The following LINGO2 variants were observed in gnomAD, a reference collection of about 807,000 sequenced individuals.
LINGO2 encodes leucine-rich repeat and immunoglobulin-like domain-containing nogo receptor-interacting protein 2.
A neutral mutation model predicts 30.6 loss-of-function variants in LINGO2; 14 were observed. The observed-to-expected ratio is 0.46, with a 90% CI of 0.30 to 0.72. The LOEUF (loss-of-function observed/expected upper bound fraction) is 0.72, where lower values mean the gene tolerates loss of function less well. Ranked by LOEUF, LINGO2 falls within the 30% of genes least tolerant of loss-of-function variation. LINGO2 has a pLI of 0.07. For missense variants in LINGO2, 729 were observed against 751.7 expected (o/e 0.97, Z 0.35); for synonymous variants, 317 against 288.5 (o/e 1.10, Z -1.00).
At chr9:28,060,377 A>G (rs1825105909) in intron 4 of LINGO2, among the ~76,000 whole-genome samples, 1 of 152,200 alleles carries the variant, frequency 6.6e-6, no homozygotes, top group Non-Finnish European at 1.5e-5. Flanking sequence ...TATAATGCTA[A>G]TAGCTAACAC....
chr9:28,064,766 G>A (rs966909184), intron 4 of LINGO2, among the ~76,000 whole-genome samples: 4 of 152,072 alleles, frequency 2.6e-5, no homozygotes, highest in Non-Finnish European at 5.9e-5. Context: ...AACCCTTAGA[G>A]GGCTAATCTG....
chr9:28,517,728 A>ATATT (rs1820675636), intron 1 of LINGO2, among the ~76,000 whole-genome samples: 3 of 152,206 alleles, frequency 2.0e-5, no homozygotes, highest in Admixed American at 2.0e-4. Context: ...TTTTCAAGCA[A>ATATT]CATTAGTACT....
chr9:28,868,125 A>T, the LINGO2 span, among the ~76,000 whole-genome samples: 1 of 152,060 alleles, frequency 6.6e-6, no homozygotes, highest in African/African-American at 2.4e-5. Context: ...GAATGTTGTT[A>T]ACCTAGTGTG....
At chr9:28,105,092 T>C (rs561788231) in intron 4 of LINGO2, among the ~76,000 whole-genome samples, 22 of 152,278 alleles carry the variant, frequency 1.4e-4, no homozygotes, top group Admixed American at 3.9e-4. Context: ...TGGCACACTT[T>C]ATTCTCTGTG....
At chr9:28,825,877 A>C in the LINGO2 span, among the ~76,000 whole-genome samples, 1 of 152,312 alleles carries the variant, frequency 6.6e-6, no homozygotes, top group African/African-American at 2.4e-5. Context: ...AAGTTACCAT[A>C]AATGACTATT....
chr9:28,605,998 A>G (rs967236978), intron 1 of LINGO2, among the ~76,000 whole-genome samples: 4 of 152,036 alleles, frequency 2.6e-5, no homozygotes, highest in African/African-American at 9.7e-5. Flanking sequence ...TCAAGTATCA[A>G]TTACACTATA....
At chr9:28,595,062 G>T (rs767378889) in intron 1 of LINGO2, among the ~76,000 whole-genome samples, 3 of 152,006 alleles carry the variant, frequency 2.0e-5, no homozygotes, top group Non-Finnish European at 4.4e-5. Context: ...GGATATTCAT[G>T]AGCATAAATA....
chr9:28,671,862 A>C (rs1829033237), upstream of LINGO2, among the ~76,000 whole-genome samples: 1 of 152,154 alleles, frequency 6.6e-6, no homozygotes, highest in Admixed American at 6.6e-5. Flanking sequence ...ACATAAAGAC[A>C]TGAGCATTTC....
At chr9:28,770,482 T>G in the LINGO2 span, among the ~76,000 whole-genome samples, 1 of 152,198 alleles carries the variant, frequency 6.6e-6, no homozygotes, top group African/African-American at 2.4e-5. Context: ...ATTTCTGTTT[T>G]CACTGTCTGG....
chr9:28,607,717 T>C (rs1825750177), intron 1 of LINGO2, among the ~76,000 whole-genome samples: 1 of 152,056 alleles, frequency 6.6e-6, no homozygotes, highest in Non-Finnish European at 1.5e-5. Context: ...CCATCTTTCA[T>C]GTGTCAAATC....
chr9:28,582,492 C>T (rs953404066), intron 1 of LINGO2, among the ~76,000 whole-genome samples: 2 of 152,036 alleles, frequency 1.3e-5, no homozygotes, highest in East Asian at 3.9e-4. Context: ...TTCTGAAACT[C>T]AACCTACCAG....
At chr9:27,968,490 C>A (rs988951545) in intron 5 of LINGO2, among the ~76,000 whole-genome samples, 14 of 151,650 alleles carry the variant, frequency 9.2e-5, no homozygotes, top group African/African-American at 3.4e-4. Context: ...AGGAAAAATA[C>A]CTTCATGCAT....
chr9:28,427,271 A>G (rs554814345), intron 2 of LINGO2, among the ~76,000 whole-genome samples: 1 of 152,096 alleles, frequency 6.6e-6, no homozygotes, highest in East Asian at 1.9e-4. Context: ...ACTGCTATAG[A>G]TGGATAATGG....
At chr9:28,381,418 A>G (rs1434144742) in intron 2 of LINGO2, among the ~76,000 whole-genome samples, 1 of 152,054 alleles carries the variant, frequency 6.6e-6, no homozygotes. Flanking sequence ...ATGGCTACAC[A>G]TGCAGGTAAA....
rs1587703923 is a variant in LINGO2 at position 28,020,154 on chromosome 9, C to T, written c.-86-7749G>A. On this transcript the variant is annotated intron_variant, in intron 4 of 5. Transcript: ENST00000379992. ...GCGTTAACATTTAGCACACAGCATGCAATCCCTCTCTAAGTGGGAAAATGA... is the reference window on the plus strand; with the variant it reads ...GCGTTAACATTTAGCACACAGCATGTAATCCCTCTCTAAGTGGGAAAATGA... 2.6e-5 allele frequency among the ~76,000 whole-genome samples: 4 copies of T among 152,168 alleles called. No homozygotes were observed. The South Asian group carries it at 8.3e-4, about 31-fold the overall frequency.
the LINGO2 span, among the ~76,000 whole-genome samples, chr9:29,074,028 T>C: frequency 4.3e-4 from 55 of 127,056 alleles, no homozygotes; most frequent in Admixed American, 4.3e-3. Flanking sequence ...TCTTTAAAAA[T>C]CAAACTTTGA....
At chr9:28,724,379 T>A in the LINGO2 span, among the ~76,000 whole-genome samples, 2 of 152,136 alleles carry the variant, frequency 1.3e-5, no homozygotes, top group Admixed American at 6.5e-5. Context: ...TAGATTTAGT[T>A]CCTGTCCCAG....
chr9:28,031,390 A>G (rs548859054), intron 4 of LINGO2, among the ~76,000 whole-genome samples: 38 of 151,620 alleles, frequency 2.5e-4, no homozygotes, highest in Admixed American at 9.2e-4. Flanking sequence ...AAAATTTAAC[A>G]TTGACATAAT....
At chr9:28,865,070 G>A in the LINGO2 span, among the ~76,000 whole-genome samples, 1 of 152,100 alleles carries the variant, frequency 6.6e-6, no homozygotes, top group African/African-American at 2.4e-5. Flanking sequence ...TGAAAGAGTA[G>A]CAGGAATTAG....
Sources: allele counts gnomAD v4.1 joint callset (sites outside exome capture counted in the v4.1 genomes callset), GRCh38; gene constraint gnomAD v4.1.1; transcripts MANE v1.5; gene names NCBI Gene and HGNC (gene_info 2026-07-23, HGNC 2026-07-21).